Variants in PFKL observed in about 807,000 individuals in gnomAD.
PFKL encodes ATP-dependent 6-phosphofructokinase, liver type.
PFKL carries 74 observed loss-of-function variants against 92.1 expected under a neutral mutation model. The ratio of observed to expected loss-of-function variants is 0.80; its 90% CI spans 0.67 to 0.97. PFKL has a LOEUF of 0.97. Ranked by LOEUF, PFKL falls within the 50% of genes least tolerant of loss-of-function variation. The probability of loss-of-function intolerance (pLI) is 0.00; values close to 1 mark genes in which losing one functional copy is unlikely to be tolerated. For synonymous variants in PFKL, 494 were observed against 456.4 expected, an observed-to-expected ratio of 1.08 and a Z score of -1.05; for missense variants, 1,028 against 1,116.6, an observed-to-expected ratio of 0.92 and a Z score of 1.13.
chr21:44,326,690 A>G, intron 21 of PFKL, 25 bp from the exon 22 acceptor site: 1 of 1,609,000 alleles, frequency 6.2e-7, no homozygotes, highest in Non-Finnish European at 8.5e-7. Context: ...ACTCCCCATC[A>G]TCCTCCCATC....
chr21:44,312,215 C>G lies in PFKL; in HGVS notation c.348C>G (p.Ile116Met), dbSNP rs374990470. 6.2e-7 allele frequency: 1 copy of G among 1,600,334 alleles called. No homozygotes were observed. Among genetic ancestry groups the G allele is most frequent in the Non-Finnish European group, 8.5e-7 (1 of 1,173,670 alleles). ...VQHGITNLCVIGGDGSLTGAN... is the reference protein window; with the variant it reads ...VQHGITNLCVMGGDGSLTGAN... Reference sequence around the variant, plus strand: ...ACGGCATCACCAACCTGTGCGTCATCGGCGGGGATGGCAGCCTCACAGGTG... The same window carrying G: ...ACGGCATCACCAACCTGTGCGTCATGGGCGGGGATGGCAGCCTCACAGGTG... Residue 116 changes from isoleucine (I) to methionine (M), a missense_variant, in exon 4 of 22, where the codon ATC becomes ATG. By Grantham distance (10) the Ile-to-Met change is conservative. Coordinates refer to ENST00000349048, the MANE Select transcript of PFKL (RefSeq NM_002626.6).
intron 18 of PFKL, 111 bp from the exon 19 acceptor site, chr21:44,325,042 G>A (rs2047462830): frequency 2.5e-6 from 3 of 1,196,528 alleles, no homozygotes; most frequent in Non-Finnish European, 3.6e-6. Context: ...GGCCAGGGCG[G>A]CTTTCCTGGG....
At chr21:44,323,958 C>T in intron 16 of PFKL, 40 bp downstream of exon 16, 2 of 1,609,296 alleles carry the variant, frequency 1.2e-6, no homozygotes, top group Non-Finnish European at 1.7e-6. Flanking sequence ...TGCCCAGGCC[C>T]TTGTGGGGTG....
intron 1 of PFKL, 47 bp from the exon 2 acceptor site, chr21:44,306,634 C>G: frequency 6.5e-7 from 1 of 1,544,832 alleles, no homozygotes; most frequent in Non-Finnish European, 8.9e-7. Context: ...GTGTCCAGGG[C>G]CTTGCTTCTC....
intron 3 of PFKL, among the ~76,000 whole-genome samples, chr21:44,311,314 GCACAGACACA>G (rs1031199382): frequency 1.4e-5 from 2 of 143,474 alleles, no homozygotes; most frequent in African/African-American, 2.8e-5. Flanking sequence ...ACAGACACGT[GCACAGACACA>G]CACAGACATG....
At chr21:44,318,332 T>C (rs1047719180) in intron 9 of PFKL, 138 bp from the exon 10 acceptor site, 1 of 919,560 alleles carries the variant, frequency 1.1e-6, no homozygotes, top group Non-Finnish European at 1.5e-6. Flanking sequence ...CGTTTCCATC[T>C]CTGATGCCAC....
intron 18 of PFKL, 106 bp from the exon 19 acceptor site, chr21:44,325,047 C>G (rs891207573): frequency 8.4e-7 from 1 of 1,195,784 alleles, no homozygotes; most frequent in Non-Finnish European, 1.2e-6. Context: ...GGGCGGCTTT[C>G]CTGGGAGCTG....
At chr21:44,318,778 G>A (rs924080095) in intron 10 of PFKL, among the ~76,000 whole-genome samples, 183 bp downstream of exon 10, 2 of 152,166 alleles carry the variant, frequency 1.3e-5, no homozygotes, top group Non-Finnish European at 2.9e-5. Context: ...TGGGTGGGAC[G>A]TGGGACCTGG....
chr21:44,316,649 CGTGTCTGTGTGTGGGG>C, intron 9 of PFKL, 125 bp downstream of exon 9: 1 of 702,582 alleles, frequency 1.4e-6, no homozygotes, highest in Non-Finnish European at 2.4e-6. Flanking sequence ...GGTGAGTGTC[CGTGTCTGTGTGTGGGG>C]GTGTATGTGT....
intron 12 of PFKL, 98 bp from the exon 13 acceptor site, chr21:44,321,631 C>T: frequency 7.8e-7 from 1 of 1,275,956 alleles, no homozygotes; most frequent in Non-Finnish European, 1.0e-6. Context: ...CAGGGCCTGG[C>T]CCCTTTTTCC....
At chr21:44,324,995 G>GGGCAGGAGAA (rs1310502865) in intron 18 of PFKL, 78 bp downstream of exon 18, 4 of 1,418,702 alleles carry the variant, frequency 2.8e-6, no homozygotes, top group Non-Finnish European at 2.9e-6. Flanking sequence ...AGGAGCGGCT[G>GGGCAGGAGAA]GGCAGGAGAA....
chr21:44,306,661 G>A lies in PFKL; in HGVS notation c.86-20G>A, dbSNP rs200274574. 514 of 1,611,006 alleles carry A rather than the reference G, an allele frequency of 3.2e-4. 4 individuals carry two copies. In the African/African-American group the frequency reaches 5.9e-3, roughly 19 times the overall value. ...TTGCTTCTCAGCGTGGGACTGACAG[G>A]TTTGCCCTGACCTCCACAGGCATGA... On this transcript the variant is annotated intron_variant, in intron 1 of 21. Coordinates refer to ENST00000349048, the MANE Select transcript of PFKL (RefSeq NM_002626.6).
intron 3 of PFKL, among the ~76,000 whole-genome samples, chr21:44,311,754 C>T (rs1014032549): frequency 3.9e-5 from 6 of 152,124 alleles, no homozygotes; most frequent in East Asian, 1.9e-4. Flanking sequence ...AGGCCCTGGC[C>T]GGTTCCCTGA....
chr21:44,322,299 C>T (rs2047378452), intron 14 of PFKL, 96 bp downstream of exon 14: 5 of 1,197,808 alleles, frequency 4.2e-6, no homozygotes, highest in Admixed American at 2.2e-5. Context: ...CAGCCCGGGG[C>T]CCTGGGCTCG....
intron 1 of PFKL, among the ~76,000 whole-genome samples, chr21:44,301,993 G>A (rs774000671): frequency 2.6e-5 from 4 of 152,212 alleles, no homozygotes; most frequent in African/African-American, 4.8e-5. Context: ...GGTGACAGGC[G>A]GTTCTGGATG....
chr21:44,322,895 A>T (rs2047394093), intron 14 of PFKL, 67 bp from the exon 15 acceptor site: 8 of 1,166,954 alleles, frequency 6.9e-6, no homozygotes, highest in Non-Finnish European at 1.0e-5. Flanking sequence ...CCTTTCTGTG[A>T]TCAGATGCAA....
At chr21:44,316,891 C>T (rs1332596579) in intron 9 of PFKL, among the ~76,000 whole-genome samples, 4 of 152,190 alleles carry the variant, frequency 2.6e-5, no homozygotes, top group Non-Finnish European at 5.9e-5. Context: ...CCAGCCTGTG[C>T]CTCCTGGCTG....
chr21:44,324,009 G>A, intron 16 of PFKL, 91 bp downstream of exon 16: 1 of 1,471,984 alleles, frequency 6.8e-7, no homozygotes, highest in Non-Finnish European at 9.4e-7. Context: ...ATAGTGTGTG[G>A]TGAGCACCTG....
intron 4 of PFKL, among the ~76,000 whole-genome samples, 177 bp from the exon 5 acceptor site, chr21:44,312,801 G>A (rs1490254132): frequency 4.6e-5 from 7 of 152,170 alleles, no homozygotes; most frequent in Non-Finnish European, 1.5e-5. Context: ...TGGCCCCAGC[G>A]GATCCAGCCA....
Sources: allele counts gnomAD v4.1 joint callset (sites outside exome capture counted in the v4.1 genomes callset), GRCh38; gene constraint gnomAD v4.1.1; transcripts MANE v1.5; gene names NCBI Gene and HGNC (gene_info 2026-07-23, HGNC 2026-07-21).